Variants in DCC observed in about 807,000 individuals in gnomAD.
The protein encoded by DCC is DCC netrin 1 receptor.
A neutral mutation model predicts 172.5 loss-of-function variants in DCC; 58 were observed. That is an observed-to-expected ratio of 0.34 (90% confidence interval 0.27 to 0.42). DCC has a LOEUF of 0.42. Among genes scored for constraint, DCC ranks in the 10% least tolerant of loss-of-function variants. DCC has a pLI of 1.00. For synonymous variants in DCC, 709 were observed against 644.5 expected (o/e 1.10, Z -1.52); for missense variants, 1,740 against 1,791.0 (o/e 0.97, Z 0.51).
At chr18:52,682,079 A>G (rs2035758342) in intron 1 of DCC, among the ~76,000 whole-genome samples, 1 of 152,120 alleles carries the variant, frequency 6.6e-6, no homozygotes, top group South Asian at 2.1e-4. Flanking sequence ...TGCCATTATT[A>G]ACTACATAAA....
chr18:52,864,347 T>C (rs935045269), intron 2 of DCC, among the ~76,000 whole-genome samples: 8 of 152,122 alleles, frequency 5.3e-5, no homozygotes, highest in Non-Finnish European at 1.2e-4. Context: ...TAAGGTAACA[T>C]AAAATCATAA....
rs376335281 is a variant in DCC, at chr18:53,293,541, G to A, written c.1912-12037G>A. 8.5e-4 allele frequency among the ~76,000 whole-genome samples: 129 copies of A among 152,142 alleles called. 1 individual carries two copies. The highest frequency in any genetic ancestry group is 2.8e-3 in the African/African-American group (115 of 41,498). ...TATATAGGTAAACTTGTGTCATAGG[G>A]GCTTGTTGTACAGATTATTTTGTCA... On this transcript the variant is annotated intron_variant, in intron 12 of 28. Coordinates refer to ENST00000442544, the MANE Select transcript of DCC (RefSeq NM_005215.4).
chr18:52,990,894 G>A (rs975658742), intron 5 of DCC, among the ~76,000 whole-genome samples: 6 of 151,926 alleles, frequency 3.9e-5, no homozygotes, highest in African/African-American at 1.5e-4. Context: ...ATATTTCAGT[G>A]TGCCATGCAT....
At position 53,207,563 on chromosome 18, in the gene DCC, A is replaced by C. The variant is rs775080236; in HGVS notation, c.1723-116A>C. ...AAGGTAGGTTTTATAGCTCATTAGAAGGCTGGAGTGTAGTTTGTAAGAGTC... is the reference window on the plus strand; with the variant it reads ...AAGGTAGGTTTTATAGCTCATTAGACGGCTGGAGTGTAGTTTGTAAGAGTC... On this transcript the variant is annotated intron_variant, in intron 10 of 28. Transcript: ENST00000442544. The C allele has an allele frequency of 3.9e-5, 39 of 992,748 alleles. 1 individual carries two copies. The highest frequency in any genetic ancestry group is 5.1e-5 in the Non-Finnish European group (32 of 632,876). 61.5% of individuals were successfully genotyped at this position (992,748 alleles called of 1,614,324 possible).
intron 5 of DCC, among the ~76,000 whole-genome samples, chr18:53,022,811 T>A (rs983573824): frequency 6.6e-6 from 1 of 151,944 alleles, no homozygotes; most frequent in Non-Finnish European, 1.5e-5. Flanking sequence ...AATTTAAATG[T>A]GATGACTGTA....
At chr18:52,515,906 A>C (rs553219136) in intron 1 of DCC, among the ~76,000 whole-genome samples, 1 of 148,874 alleles carries the variant, frequency 6.7e-6, no homozygotes, top group South Asian at 2.1e-4. Flanking sequence ...AAACAATAGA[A>C]AAAAAATCCA....
intron 1 of DCC, among the ~76,000 whole-genome samples, chr18:52,731,975 T>G (rs1280899796): frequency 6.6e-6 from 1 of 152,162 alleles, no homozygotes; most frequent in Non-Finnish European, 1.5e-5. Context: ...AGCCTAAATC[T>G]TTTTACGGCT....
chr18:53,168,051 A>C (rs1329874528), intron 8 of DCC, among the ~76,000 whole-genome samples: 1 of 152,216 alleles, frequency 6.6e-6, no homozygotes, highest in Non-Finnish European at 1.5e-5. Context: ...GATTATTAAA[A>C]AGTCAGGAAA....
chr18:52,773,360 A>G (rs557190448), intron 2 of DCC, among the ~76,000 whole-genome samples: 17 of 152,310 alleles, frequency 1.1e-4, no homozygotes, highest in African/African-American at 4.1e-4. Context: ...GGTCAGCCTT[A>G]TATTTTATAT....
At chr18:52,457,577 C>T (rs901091498) in intron 1 of DCC, among the ~76,000 whole-genome samples, 5 of 151,924 alleles carry the variant, frequency 3.3e-5, no homozygotes, top group Admixed American at 1.3e-4. Flanking sequence ...CATAAATGTG[C>T]CAATATCTGT....
intron 27 of DCC, among the ~76,000 whole-genome samples, chr18:53,518,892 C>CTGTT (rs528373557): frequency 1.1e-3 from 171 of 152,230 alleles, no homozygotes; most frequent in African/African-American, 3.6e-3. Flanking sequence ...TTTAGAGTAT[C>CTGTT]TGTTTGAAAT....
intron 1 of DCC, among the ~76,000 whole-genome samples, chr18:52,356,714 G>T (rs993284010): frequency 1.3e-5 from 2 of 152,094 alleles, no homozygotes; most frequent in East Asian, 1.9e-4. Flanking sequence ...TATTAGTGAG[G>T]TTATGAGAGT....
intron 1 of DCC, among the ~76,000 whole-genome samples, chr18:52,534,253 C>G (rs1471812632): frequency 6.6e-6 from 1 of 152,056 alleles, no homozygotes; most frequent in Non-Finnish European, 1.5e-5. Context: ...GGTTACATAA[C>G]AACTCTAAGA....
At chr18:53,169,493 C>G (rs1161644955) in intron 8 of DCC, among the ~76,000 whole-genome samples, 3 of 152,118 alleles carry the variant, frequency 2.0e-5, no homozygotes, top group African/African-American at 7.2e-5. Flanking sequence ...TGGCTTGATT[C>G]CTTTACTTCA....
At chr18:53,241,839 A>G (rs552789230) in intron 12 of DCC, among the ~76,000 whole-genome samples, 71 of 152,276 alleles carry the variant, frequency 4.7e-4, no homozygotes, top group African/African-American at 1.7e-3. Flanking sequence ...GACCATGGCC[A>G]GGTCTGGAAA....
Position 53,073,334 on chromosome 18 carries a change from G to A in DCC, c.1261+7168G>A, listed in dbSNP as rs184532584. On this transcript the variant is annotated intron_variant, in intron 7 of 28. Transcript: ENST00000442544. The stretch of plus-strand genomic sequence containing the variant: ...AGGTCAGGAGATCGAGACCATCCTG[G>A]CTAACACGGTGAAACCTCATCTCTA... Among the ~76,000 whole-genome samples, 7 of 152,228 alleles carry A rather than the reference G, an allele frequency of 4.6e-5. No individual in the cohort carries two copies. In the East Asian group the frequency reaches 7.7e-4, roughly 17 times the overall value.
At chr18:53,220,496 C>A (rs1383654014) in intron 12 of DCC, among the ~76,000 whole-genome samples, 1 of 152,164 alleles carries the variant, frequency 6.6e-6, no homozygotes, top group African/African-American at 2.4e-5. Context: ...GGACCCAGAG[C>A]TCTGAGCCCT....
intron 1 of DCC, among the ~76,000 whole-genome samples, chr18:52,417,148 A>C (rs1987065141): frequency 6.6e-6 from 1 of 152,040 alleles, no homozygotes; most frequent in Non-Finnish European, 1.5e-5. Flanking sequence ...GTTTGGCTGG[A>C]TATGAAATTC....
chr18:52,804,670 G>A (rs530707131), intron 2 of DCC, among the ~76,000 whole-genome samples: 5 of 152,286 alleles, frequency 3.3e-5, no homozygotes, highest in East Asian at 1.9e-4. Flanking sequence ...TGGTTCAAGC[G>A]ATTCTCCTGC....
Sources: allele counts gnomAD v4.1 joint callset (sites outside exome capture counted in the v4.1 genomes callset), GRCh38; gene constraint gnomAD v4.1.1; transcripts MANE v1.5; gene names NCBI Gene and HGNC (gene_info 2026-07-23, HGNC 2026-07-21).